The following C5orf34 variants were observed in gnomAD, a reference collection of about 807,000 sequenced individuals.
The protein encoded by C5orf34 is chromosome 5 open reading frame 34.
In C5orf34, 73 loss-of-function variants were observed where a neutral mutation model predicts 78.4. The ratio of observed to expected loss-of-function variants is 0.93; its 90% CI spans 0.77 to 1.13. The LOEUF is 1.13. Ranked by LOEUF, C5orf34 falls within the 50% of genes most tolerant of loss-of-function variation. The probability of loss-of-function intolerance (pLI) is 0.00; values close to 1 mark genes in which losing one functional copy is unlikely to be tolerated. For synonymous variants in C5orf34, 251 were observed against 246.6 expected (o/e 1.02, Z -0.17); for missense variants, 730 against 732.7 (o/e 1.00, Z 0.04).
At chr5:43,488,267 C>A in intron 11 of C5orf34, 1 of 281,836 alleles carries the variant, frequency 3.5e-6, no homozygotes, top group Non-Finnish European at 6.6e-6. Flanking sequence ...ACTCTACTTT[C>A]CTCCCTAAAG....
In C5orf34 at chr5:43,505,974, T is replaced by G; in HGVS notation, c.706A>C (p.Thr236Pro). ...SPGTKHTCVY[T>P]WVKQCWSVAA... ...ACAGACCAGCACTGCTTGACCCATG[T>G]GTATACACATGTGTGCTTTGTACCA... The change falls in exon 4 of 13, where the codon ACA becomes CCA. Residue 236 changes from threonine to proline, a missense_variant. Thr to Pro is a conservative substitution (Grantham distance 38). Coordinates refer to ENST00000306862, the MANE Select transcript of C5orf34 (RefSeq NM_198566.4). 1 of 1,614,220 alleles carries G rather than the reference T, an allele frequency of 6.2e-7. No individual in the cohort carries two copies. The highest frequency in any genetic ancestry group is 8.5e-7 in the Non-Finnish European group (1 of 1,180,038).
intron 11 of C5orf34, chr5:43,488,274 A>G (rs1056304490): frequency 7.7e-5 from 20 of 259,832 alleles, no homozygotes; most frequent in African/African-American, 3.1e-4. Context: ...TTTCCTCCCT[A>G]AAGTTTACGC....
rs1364527272 is a variant in C5orf34, at chr5:43,505,777, T to C, written c.903A>G (p.Ser301=). The change falls in exon 4 of 13, where the codon TCA becomes TCG. Residue 301 remains serine, a synonymous_variant. Coordinates refer to ENST00000306862, the MANE Select transcript of C5orf34 (RefSeq NM_198566.4). ...KVVSVLPRAL[S]LSCPVPHLHR... is the part of the protein sequence containing the mutation. ...GTAGGTGTGGGACTGGACAGCTGAGTGACAGGGCCCTGGGAAGAACAGAAA... is the reference window on the plus strand; with the variant it reads ...GTAGGTGTGGGACTGGACAGCTGAGCGACAGGGCCCTGGGAAGAACAGAAA... The C allele has an allele frequency of 3.8e-6, 6 of 1,592,100 alleles. No individual in the cohort carries two copies. In the African/African-American group the frequency reaches 8.1e-5, roughly 21 times the overall value.
intron 6 of C5orf34, chr5:43,495,779 A>G: frequency 1.3e-6 from 2 of 1,580,378 alleles, no homozygotes; most frequent in Non-Finnish European, 1.7e-6. Flanking sequence ...CTCAAGCAGC[A>G]TGGTGCCGCT....
chr5:43,499,702 AG>A (rs763461450), intron 6 of C5orf34, among the ~76,000 whole-genome samples: 28 of 152,164 alleles, frequency 1.8e-4, no homozygotes, highest in Non-Finnish European at 3.4e-4. Context: ...TTTACACAAA[AG>A]ATATCATTGT....
At chr5:43,495,482 G>T in intron 6 of C5orf34, 1 of 1,607,154 alleles carries the variant, frequency 6.2e-7, no homozygotes, top group East Asian at 2.2e-5. Flanking sequence ...GCTGTCACCA[G>T]CAACGTTGCC....
In C5orf34 at chr5:43,493,549, C is replaced by T. The variant is rs756194506; in HGVS notation, c.1308G>A (p.Trp436Ter). ...TAAAATAATTTTAACATACCATTTT[C>T]CAGCAGCATATACGATAGTTATGGC... Reference protein sequence around the residue: ...SLSHNYRICCWKMVPGINDSN... With the variant: ...SLSHNYRICC The change falls in exon 8 of 13, where the codon TGG becomes TGA. Residue 436 changes from tryptophan (W) to a stop codon, truncating the protein, a stop_gained. Transcript: ENST00000306862. LOFTEE classifies it high-confidence loss of function. 3 of 1,540,272 alleles carry T rather than the reference C, an allele frequency of 1.9e-6. No homozygotes were observed. The highest frequency in any genetic ancestry group is 1.2e-5 in the South Asian group (1 of 85,554).
At position 43,487,010 on chromosome 5, in the gene C5orf34, C is replaced by T. The variant is rs761314920; in HGVS notation, c.1822G>A (p.Gly608Arg). ...GATACTCTATTTTCATTAACTTCTC[C>T]TAGCAAGGTTTCTGAAGATCCTGGT... Reference protein sequence around the residue: ...YKPGSSETLLGEVNENRVSIA... With the variant: ...YKPGSSETLLREVNENRVSIA... The change falls in exon 13 of 13, where the codon GGA (glycine) becomes AGA (arginine). Residue 608 changes from glycine to arginine, a missense_variant. Physicochemically the swap from Gly to Arg is moderately radical, Grantham distance 125 (BLOSUM62 -2). Coordinates refer to ENST00000306862, the MANE Select transcript of C5orf34 (RefSeq NM_198566.4). 14 of 1,586,112 alleles carry T rather than the reference C, an allele frequency of 8.8e-6. No individual in the cohort carries two copies. Among genetic ancestry groups the T allele is most frequent in the Non-Finnish European group, 1.2e-5 (14 of 1,165,248 alleles).
chr5:43,503,974 C>A (rs1008833595), intron 4 of C5orf34, among the ~76,000 whole-genome samples: 1 of 152,008 alleles, frequency 6.6e-6, no homozygotes, highest in Non-Finnish European at 1.5e-5. Context: ...ATTATTGAAT[C>A]TCAGCACAAT....
chr5:43,496,907 A>G (rs960924189), intron 6 of C5orf34, among the ~76,000 whole-genome samples: 1 of 152,172 alleles, frequency 6.6e-6, no homozygotes, highest in Admixed American at 6.5e-5. Flanking sequence ...TGCAATTTAA[A>G]TATTAGCTAC....
intron 6 of C5orf34, chr5:43,495,649 A>G: frequency 6.3e-7 from 1 of 1,587,796 alleles, no homozygotes; most frequent in Non-Finnish European, 8.7e-7. Context: ...GTTTGAGAAC[A>G]CCAGTCTCCA....
At chr5:43,514,424 C>G (rs1579891257) in intron 1 of C5orf34, among the ~76,000 whole-genome samples, 1 of 152,130 alleles carries the variant, frequency 6.6e-6, no homozygotes, top group East Asian at 1.9e-4. Context: ...GGTGCTGATA[C>G]ATAGATGGAA....
chr5:43,494,250 C>T (rs561407761), intron 7 of C5orf34, among the ~76,000 whole-genome samples: 1 of 152,244 alleles, frequency 6.6e-6, no homozygotes, highest in African/African-American at 2.4e-5. Context: ...AAAGAAAGGG[C>T]ACTTACTTCC....
intron 6 of C5orf34, chr5:43,494,986 A>G (rs541110557): frequency 2.5e-5 from 27 of 1,098,318 alleles, no homozygotes; most frequent in Non-Finnish European, 3.4e-5. Flanking sequence ...TCACTACTAA[A>G]CTTAAATGGC....
At chr5:43,488,518 G>T (rs1207191174) in intron 11 of C5orf34, 1 of 152,120 alleles carries the variant, frequency 6.6e-6, no homozygotes, top group East Asian at 1.9e-4. Flanking sequence ...TTTGGGAATG[G>T]ATGGTATGGG....
At chr5:43,506,851 T>C (rs1462052680) in intron 3 of C5orf34, among the ~76,000 whole-genome samples, 1 of 151,642 alleles carries the variant, frequency 6.6e-6, no homozygotes, top group African/African-American at 2.4e-5. Flanking sequence ...GCTTAAATGG[T>C]ACAGGACTAC....
Position 43,490,721 on chromosome 5 carries a change from G to C in C5orf34, c.1589C>G (p.Thr530Arg). ...EHPEPYERYV[T>R]TVTSWCRRLT... ...TCTCCTGCACCATGATGTTACTGTT[G>C]TCACATATCTAAAGTGAATACATTA... The change falls in exon 11 of 13, where the codon ACA (threonine) becomes AGA (arginine). Residue 530 changes from threonine to arginine, a missense_variant. By Grantham distance (71) the Thr-to-Arg change is moderately conservative (BLOSUM62 -1). Coordinates refer to ENST00000306862, the MANE Select transcript of C5orf34 (RefSeq NM_198566.4). The C allele has an allele frequency of 1.3e-6, 2 of 1,573,024 alleles. No individual in the cohort carries two copies. Among genetic ancestry groups the C allele is most frequent in the South Asian group, 2.2e-5 (2 of 89,686 alleles).
In C5orf34 at chr5:43,492,878, T is replaced by G. The variant is rs769082135; in HGVS notation, c.1327A>C (p.Asn443His). The change falls in exon 9 of 13, where the codon AAT (asparagine) becomes CAT (histidine). Residue 443 changes from asparagine (N) to histidine (H), a missense_variant. Coordinates refer to ENST00000306862, the MANE Select transcript of C5orf34 (RefSeq NM_198566.4). ...ACCAAAGGCAGTATATTGCTATCAT[T>G]TATCCCAGGTACCTAAAACCAAGTA... ...ICCWKMVPGINDSNILPLVLK... is the reference protein window; with the variant it reads ...ICCWKMVPGIHDSNILPLVLK... 40 of 1,592,846 alleles carry G rather than the reference T, an allele frequency of 2.5e-5. No individual in the cohort carries two copies. Among genetic ancestry groups the G allele is most frequent in the Non-Finnish European group, 3.2e-5 (37 of 1,167,988 alleles).
Position 43,511,116 on chromosome 5 carries a change from G to A in C5orf34, c.-36-1741C>T, listed in dbSNP as rs959238331. On this transcript the variant is annotated intron_variant, in intron 1 of 12. Transcript: ENST00000306862. ...CGACCCCATCTGGGAGATGAGGAGC[G>A]TCTCTGCCCGGCCGCCCCATCTGAG... The A allele has an allele frequency of 4.6e-5, 8 of 174,832 alleles. No individual in the cohort carries two copies. The South Asian group carries it at 6.2e-4, about 14-fold the overall frequency. 10.8% of individuals were successfully genotyped at this position (174,832 alleles called of 1,614,324 possible). A position where few individuals can be genotyped will look rare whatever the true frequency, so the allele number is the denominator to read the frequency against.
Sources: gnomAD v4.1 joint callset for allele counts (sites outside exome capture counted in the v4.1 genomes callset) on GRCh38, gnomAD v4.1.1 for gene constraint, MANE v1.5 for transcripts, NCBI Gene and HGNC (gene_info 2026-07-23, HGNC 2026-07-21) for gene names.